The following ADGRE2 variants were observed in gnomAD, a reference collection of about 807,000 sequenced individuals.
ADGRE2 encodes CD97 antigen.
ADGRE2 carries 83 observed loss-of-function variants against 100.8 expected under a neutral mutation model. The observed-to-expected ratio is 0.82, with a 90% CI of 0.69 to 0.99. The LOEUF (loss-of-function observed/expected upper bound fraction) is 0.99, where lower values mean the gene tolerates loss of function less well. Among genes scored for constraint, ADGRE2 ranks in the 50% least tolerant of loss-of-function variants. The probability of loss-of-function intolerance (pLI) is 0.00; values close to 1 mark genes in which losing one functional copy is unlikely to be tolerated. For synonymous variants in ADGRE2, 355 were observed against 413.0 expected, an observed-to-expected ratio of 0.86 and a Z score of 1.70; for missense variants, 814 against 1,035.7, an observed-to-expected ratio of 0.79 and a Z score of 2.94.
At chr19:14,748,757 A>G (rs542114290) in intron 16 of ADGRE2, among the ~76,000 whole-genome samples, 1 of 152,332 alleles carries the variant, frequency 6.6e-6, no homozygotes, top group African/African-American at 2.4e-5. Context: ...AAAAACGGAA[A>G]AAGAGGAAGC....
intron 20 of ADGRE2, among the ~76,000 whole-genome samples, chr19:14,742,966 C>G (rs2042974285): frequency 6.6e-6 from 1 of 151,098 alleles, no homozygotes; most frequent in Non-Finnish European, 1.5e-5. Flanking sequence ...GGGTCTCACT[C>G]TGTTGCCTGG....
At position 14,765,567 on chromosome 19, in the gene ADGRE2, A is replaced by T; in HGVS notation, c.785T>A (p.Met262Lys). 6.2e-7 allele frequency: 1 copy of T among 1,614,296 alleles called. No homozygotes were observed. The highest frequency in any genetic ancestry group is 8.5e-7 in the Non-Finnish European group (1 of 1,180,056). The change falls in exon 9 of 21, where the codon ATG becomes AAG. Residue 262 changes from methionine (M) to lysine (K), a missense_variant. By Grantham distance (95) the Met-to-Lys change is moderately conservative (BLOSUM62 -1). Coordinates refer to ENST00000315576, the MANE Select transcript of ADGRE2 (RefSeq NM_013447.4). The stretch of plus-strand genomic sequence containing the variant: ...GGGCGGGGTCCAGGTGGAGAAAGTC[A>T]TATCTGTAGGGAACAAGACAAGCGG... The part of the protein sequence containing the change: ...NNQKDTVCED[M>K]TFSTWTPPPG...
chr19:14,758,747 T>C (rs1403391188), intron 11 of ADGRE2, among the ~76,000 whole-genome samples: 1 of 151,770 alleles, frequency 6.6e-6, no homozygotes, highest in Non-Finnish European at 1.5e-5. Flanking sequence ...TAGCTGGGCA[T>C]GGTGGTGGGC....
intron 20 of ADGRE2, among the ~76,000 whole-genome samples, chr19:14,741,153 A>C (rs1290605845): frequency 1.5e-5 from 2 of 130,570 alleles, no homozygotes; most frequent in Non-Finnish European, 3.1e-5. Context: ...GTACAGTGGC[A>C]TGGGGCAATC....
intron 5 of ADGRE2, among the ~76,000 whole-genome samples, chr19:14,768,364 G>A (rs2044070336): frequency 1.3e-5 from 2 of 152,214 alleles, no homozygotes; most frequent in African/African-American, 4.8e-5. Context: ...TTGATCCTCA[G>A]GAAGGTGTCT....
chr19:14,752,782 A>ATT (rs5827257), intron 14 of ADGRE2, among the ~76,000 whole-genome samples: 55,877 of 149,948 alleles, frequency 0.37, 11,702 homozygotes, highest in African/African-American at 0.55. Flanking sequence ...TGCCCTGCTA[A>ATT]TTTTTTTTTT....
intron 1 of ADGRE2, among the ~76,000 whole-genome samples, chr19:14,777,669 A>G (rs902400743): frequency 3.1e-5 from 1 of 32,738 alleles, no homozygotes; most frequent in Non-Finnish European, 5.6e-5. Flanking sequence ...GACAGGCCCC[A>G]GTGTGTGATG....
chr19:14,739,322 A>G (rs2042855771), intron 20 of ADGRE2, among the ~76,000 whole-genome samples: 1 of 152,214 alleles, frequency 6.6e-6, no homozygotes, highest in Admixed American at 6.5e-5. Context: ...GAAACAGTAG[A>G]AGATAAAATG....
intron 18 of ADGRE2, among the ~76,000 whole-genome samples, chr19:14,745,076 G>C (rs1384833075): frequency 6.6e-6 from 1 of 151,924 alleles, no homozygotes; most frequent in African/African-American, 2.4e-5. Context: ...TTTTAGTAGA[G>C]ACGGGGTTTC....
At chr19:14,731,064 C>T (rs1189203291), downstream of ADGRE2, 1 of 882,664 alleles carries the variant, frequency 1.1e-6, no homozygotes, top group South Asian at 1.4e-5. Flanking sequence ...ACATGCTGCC[C>T]TGGTCTCAAG....
chr19:14,731,346 G>A (rs1365871304), downstream of ADGRE2: 7 of 695,186 alleles, frequency 1.0e-5, no homozygotes, highest in East Asian at 2.8e-5. Flanking sequence ...TTCCAGTTCC[G>A]TGACATCCGG....
At chr19:14,762,935 G>A (rs1482927635) in intron 11 of ADGRE2, among the ~76,000 whole-genome samples, 2 of 152,094 alleles carry the variant, frequency 1.3e-5, no homozygotes, top group Non-Finnish European at 2.9e-5. Flanking sequence ...TGAGCGCCTG[G>A]CATTACAGGC....
chr19:14,764,049 TTCC>T (rs746074940), intron 11 of ADGRE2, among the ~76,000 whole-genome samples: 2 of 149,962 alleles, frequency 1.3e-5, no homozygotes, highest in East Asian at 4.0e-4. Context: ...CTTCTTCTTC[TTCC>T]TCCTCCTCCT....
At chr19:14,730,906 G>A (rs990975299), downstream of ADGRE2, among the ~76,000 whole-genome samples, 9 of 151,662 alleles carry the variant, frequency 5.9e-5, no homozygotes, top group African/African-American at 2.2e-4. Context: ...GAGAACATGC[G>A]GTATTTGGTT....
intron 4 of ADGRE2, 50 bp from the exon 5 acceptor site, chr19:14,772,547 C>G (rs754730436): frequency 5.6e-6 from 9 of 1,603,524 alleles, no homozygotes; most frequent in African/African-American, 1.3e-5. Flanking sequence ...TGAGTTCCGT[C>G]AGGGCAGAGA....
intron 11 of ADGRE2, 143 bp downstream of exon 11, chr19:14,764,290 A>G (rs759229125): frequency 2.7e-6 from 2 of 728,340 alleles, no homozygotes. Flanking sequence ...ACTGGTATGT[A>G]TTTCTTTTTA....
At chr19:14,762,924 G>A (rs1247637541) in intron 11 of ADGRE2, among the ~76,000 whole-genome samples, 1 of 152,176 alleles carries the variant, frequency 6.6e-6, no homozygotes, top group East Asian at 1.9e-4. Context: ...GATTACAGGT[G>A]TGAGCGCCTG....
the ADGRE2 span, among the ~76,000 whole-genome samples, chr19:14,727,280 G>T: frequency 6.6e-6 from 1 of 152,014 alleles, no homozygotes; most frequent in South Asian, 2.1e-4. Context: ...CGCCCGCCTT[G>T]GCCTCCCAAA....
chr19:14,730,696 C>T (rs78385559), downstream of ADGRE2, among the ~76,000 whole-genome samples: 869 of 152,044 alleles, frequency 5.7e-3, 36 homozygotes, highest in Admixed American at 0.046. Flanking sequence ...TGAGGGTACA[C>T]GTTTAGGTTT....
Sources: allele counts gnomAD v4.1 joint callset (sites outside exome capture counted in the v4.1 genomes callset), GRCh38; gene constraint gnomAD v4.1.1; transcripts MANE v1.5; gene names NCBI Gene and HGNC (gene_info 2026-07-23, HGNC 2026-07-21).